The following RNF44 variants were observed in gnomAD, a reference collection of about 807,000 sequenced individuals.
RNF44 encodes ring finger protein 44.
RNF44 carries 25 observed loss-of-function variants against 53.6 expected under a neutral mutation model. That is an observed-to-expected ratio of 0.47 (90% CI 0.34 to 0.65). RNF44 has a LOEUF of 0.65. RNF44 is among the 30% of genes least tolerant of loss of function. The pLI is 0.01. For missense variants in RNF44, 581 were observed against 595.5 expected, an observed-to-expected ratio of 0.98 and a Z score of 0.25; for synonymous variants, 282 against 252.2, an observed-to-expected ratio of 1.12 and a Z score of -1.12.
intron 1 of RNF44, among the ~76,000 whole-genome samples, chr5:176,535,748 A>C (rs1757095442): frequency 1.3e-5 from 2 of 152,284 alleles, no homozygotes; most frequent in African/African-American, 4.8e-5. Flanking sequence ...CAAGGCCCAG[A>C]GTTGGAGCTA....
At chr5:176,540,566 C>T (rs891624244), upstream of RNF44, among the ~76,000 whole-genome samples, 9 of 152,226 alleles carry the variant, frequency 5.9e-5, no homozygotes, top group Non-Finnish European at 1.2e-4. Flanking sequence ...CATCACATTG[C>T]ATCATGAGAG....
At chr5:176,529,672 C>G in intron 8 of RNF44, 28 bp from the exon 9 acceptor site, 1 of 1,612,326 alleles carries the variant, frequency 6.2e-7, no homozygotes, top group South Asian at 1.1e-5. Context: ...ACGGGGTCAG[C>G]GGCGCCCAGG....
upstream of RNF44, among the ~76,000 whole-genome samples, chr5:176,541,228 G>A (rs963507322): frequency 6.6e-6 from 1 of 152,116 alleles, no homozygotes; most frequent in East Asian, 1.9e-4. Context: ...TACAAGCTCT[G>A]GGCAAGTCCT....
chr5:176,533,809 A>G (rs1484362773), intron 1 of RNF44, among the ~76,000 whole-genome samples: 1 of 152,156 alleles, frequency 6.6e-6, no homozygotes, highest in Non-Finnish European at 1.5e-5. Context: ...CTGGCAGGAA[A>G]AGCTCTAGAA....
At chr5:176,536,491 G>T (rs1368913268) in intron 1 of RNF44, among the ~76,000 whole-genome samples, 1 of 152,166 alleles carries the variant, frequency 6.6e-6, no homozygotes, top group East Asian at 1.9e-4. Flanking sequence ...GCATAGTGCT[G>T]GGGGGCCGAG....
Position 176,529,016 on chromosome 5 carries a change from G to T in RNF44, c.*12C>A. 1 of 1,609,830 alleles carries T rather than the reference G, an allele frequency of 6.2e-7. No individual in the cohort carries two copies. The highest frequency in any genetic ancestry group is 1.7e-5 in the Admixed American group (1 of 59,790). On this transcript the variant is annotated 3_prime_UTR_variant, in exon 11 of 11. Transcript: ENST00000274811. ...TCAGGCAGGGTTCTCCCGGGCAGGC[G>T]GCTGCGTGGCCTCACTCAGCCTCCC...
intron 1 of RNF44, 118 bp from the exon 2 acceptor site, chr5:176,532,634 T>C: frequency 1.2e-6 from 1 of 835,382 alleles, no homozygotes; most frequent in Non-Finnish European, 1.7e-6. Flanking sequence ...TCCCAGCTAC[T>C]TGGGAGGCTG....
At chr5:176,534,700 G>A (rs1757002511) in intron 1 of RNF44, among the ~76,000 whole-genome samples, 1 of 152,192 alleles carries the variant, frequency 6.6e-6, no homozygotes, top group South Asian at 2.1e-4. Context: ...AGTTCTGCTG[G>A]TGCAGAACAG....
rs376589600 is a variant in RNF44, at chr5:176,531,660, T to C, written c.298-30A>G. 11 of 1,586,096 alleles carry C rather than the reference T, an allele frequency of 6.9e-6. No individual in the cohort carries two copies. The highest frequency in any genetic ancestry group is 1.7e-4 in the Middle Eastern group (1 of 5,950). ...GGGTGGAGAGAACGCCGGGAAAGTA[T>C]GAAAAGGAAGCTGACCGCGAGGGCT... On this transcript the variant is annotated intron_variant, in intron 3 of 10. Coordinates refer to ENST00000274811, the MANE Select transcript of RNF44 (RefSeq NM_014901.5). The surrounding 1 kb of genome is among the most constrained non-coding windows in gnomAD (Gnocchi z 4.2).
At chr5:176,534,959 G>C (rs1297816062) in intron 1 of RNF44, among the ~76,000 whole-genome samples, 1 of 152,234 alleles carries the variant, frequency 6.6e-6, no homozygotes, top group Non-Finnish European at 1.5e-5. Flanking sequence ...CCAGGCCCAA[G>C]GCACTCCTGC....
In RNF44 at chr5:176,534,988, G is replaced by C. The variant is rs1036763840; in HGVS notation, c.-45+1952C>G. On this transcript the variant is annotated intron_variant, in intron 1 of 10. Coordinates refer to ENST00000274811, the MANE Select transcript of RNF44 (RefSeq NM_014901.5). ...CTCCTGCAGAGGCCCAGGCCTGTGG[G>C]TGTCTGCTCTGTGGCCAGCCCCCTA... Among the ~76,000 whole-genome samples the C allele has an allele frequency of 3.9e-5, 6 of 152,236 alleles. No homozygotes were observed. The East Asian group carries it at 1.2e-3, about 29-fold the overall frequency.
chr5:176,538,610 G>C (rs989176510), upstream of RNF44, among the ~76,000 whole-genome samples: 3 of 152,204 alleles, frequency 2.0e-5, no homozygotes, highest in Admixed American at 6.5e-5. Context: ...GCAGCTGGAG[G>C]CGACACGGGG....
chr5:176,538,525 T>A (rs1581119888), upstream of RNF44, among the ~76,000 whole-genome samples: 1 of 152,156 alleles, frequency 6.6e-6, no homozygotes, highest in East Asian at 1.9e-4. Context: ...ATCCAAGAGC[T>A]GGAACAGGTC....
In RNF44 at chr5:176,530,691, A is replaced by C; in HGVS notation, c.692T>G (p.Leu231Arg). The change falls in exon 6 of 11, where the codon CTG becomes CGG. Residue 231 changes from leucine to arginine, a missense_variant. Coordinates refer to ENST00000274811, the MANE Select transcript of RNF44 (RefSeq NM_014901.5). ...AGAGGTGGAGTAGGTGAAGCTGCCC[A>C]GGGAGGGCTGGTCCCCACGCAGGTC... ...DVDLRGDQPS[L>R]GSFTYSTSAP... is the part of the protein sequence containing the mutation. 6.5e-7 allele frequency: 1 copy of C among 1,550,028 alleles called. No individual in the cohort carries two copies. Among genetic ancestry groups the C allele is most frequent in the Non-Finnish European group, 8.7e-7 (1 of 1,150,658 alleles).
chr5:176,541,631 G>A (rs771206153), upstream of RNF44, among the ~76,000 whole-genome samples: 3 of 152,142 alleles, frequency 2.0e-5, no homozygotes, highest in Non-Finnish European at 2.9e-5. Context: ...GGCAAGCAGA[G>A]GCAGGAAGAG....
At chr5:176,529,469 T>A (rs1581095142) in intron 9 of RNF44, 54 bp downstream of exon 9, 3 of 1,608,314 alleles carry the variant, frequency 1.9e-6, no homozygotes, top group South Asian at 1.1e-5. Flanking sequence ...GAGAGGGGCG[T>A]CCCACGGCAG....
At chr5:176,536,638 C>A (rs749455995) in intron 1 of RNF44, among the ~76,000 whole-genome samples, 5 of 152,192 alleles carry the variant, frequency 3.3e-5, no homozygotes, top group Non-Finnish European at 7.4e-5. Context: ...GCCGAGGATC[C>A]CGGACCATGT....
chr5:176,529,328 T>C lies in RNF44; in HGVS notation c.1196A>G (p.Asn399Ser), dbSNP rs776054648. 6.2e-7 allele frequency: 1 copy of C among 1,613,610 alleles called. No homozygotes were observed. The highest frequency in any genetic ancestry group is 2.2e-5 in the East Asian group (1 of 44,884). Residue 399 changes from asparagine to serine, a missense_variant, in exon 10 of 11, where the codon AAC becomes AGC. Coordinates refer to ENST00000274811, the MANE Select transcript of RNF44 (RefSeq NM_014901.5). ...AACACACTTGGTGTGGAACTCATGGTTGCAGGGGAGGACTCGGAGCAGCTG... is the reference window on the plus strand; with the variant it reads ...AACACACTTGGTGTGGAACTCATGGCTGCAGGGGAGGACTCGGAGCAGCTG... Reference protein sequence around the residue: ...ARQLLRVLPCNHEFHTKCVDK... With the variant: ...ARQLLRVLPCSHEFHTKCVDK...
chr5:176,532,196 G>T lies in RNF44; in HGVS notation c.108-3C>A. ...CCAGGGGGCCCTCGAGGCCAGGGCT[G>T]CACCACAGAGAGGAGGCCCCGATAG... is the stretch of plus-strand genomic sequence containing the variant. On this transcript the variant is annotated splice_region_variant and splice_polypyrimidine_tract_variant and intron_variant, in intron 2 of 10. Coordinates refer to ENST00000274811, the MANE Select transcript of RNF44 (RefSeq NM_014901.5). The T allele has an allele frequency of 6.6e-7, 1 of 1,513,550 alleles. No homozygotes were observed. Among genetic ancestry groups the T allele is most frequent in the East Asian group, 2.4e-5 (1 of 42,546 alleles). The allele number at this position is 1,513,550 out of a possible 1,614,324, so 93.8% of individuals were successfully genotyped here. A position where few individuals can be genotyped will look rare whatever the true frequency, so the allele number is the denominator to read the frequency against.
Sources: gnomAD v4.1 joint callset for allele counts (sites outside exome capture counted in the v4.1 genomes callset) on GRCh38, gnomAD v4.1.1 for gene constraint, Gnocchi (gnomAD v3.1) non-coding constraint, MANE v1.5 for transcripts, NCBI Gene and HGNC (gene_info 2026-07-23, HGNC 2026-07-21) for gene names.